SLIT3: variants seen among roughly 807,000 people sequenced by gnomAD.
SLIT3 encodes slit guidance ligand 3.
In SLIT3, 68 loss-of-function variants were observed where a neutral mutation model predicts 184.0. That is an observed-to-expected ratio of 0.37 (90% CI 0.30 to 0.45). The LOEUF (loss-of-function observed/expected upper bound fraction) is 0.45. Ranked by LOEUF, SLIT3 falls within the 20% of genes least tolerant of loss-of-function variation. SLIT3 has a pLI of 1.00. For synonymous variants in SLIT3, 831 were observed against 828.6 expected (o/e 1.00, Z -0.05); for missense variants, 1,707 against 2,026.0 (o/e 0.84, Z 3.02).
chr5:168,789,481 T>G, intron 11 of SLIT3, 79 bp downstream of exon 11: 23 of 1,101,156 alleles, frequency 2.1e-5, no homozygotes, highest in Non-Finnish European at 3.1e-5. Flanking sequence ...AAACACCTCC[T>G]GAGAAATATG....
intron 1 of SLIT3, among the ~76,000 whole-genome samples, chr5:169,295,244 T>A (rs1489437522): frequency 6.6e-6 from 1 of 152,266 alleles, no homozygotes; most frequent in Non-Finnish European, 1.5e-5. Flanking sequence ...GACCAGAATG[T>A]CATTTTAGGT....
rs779938729 is a variant in SLIT3 at position 168,806,586 on chromosome 5, G to A, written c.795C>T (p.Ala265=). The change falls in exon 9 of 36, where the codon GCC becomes GCT. Residue 265 remains alanine (A), a splice_region_variant and synonymous_variant. Transcript: ENST00000519560. ...TGCAGGATGGGGGCTCCGAGTGGGGGGCTGTGGAGCCAAGACACAACGGTC... is the reference window on the plus strand; with the variant it reads ...TGCAGGATGGGGGCTCCGAGTGGGGAGCTGTGGAGCCAAGACACAACGGTC... The part of the protein sequence containing the change: ...DVQKKEYVCP[A]PHSEPPSCNA... 1 of 1,614,140 alleles carries A rather than the reference G, an allele frequency of 6.2e-7. No individual in the cohort carries two copies. The highest frequency in any genetic ancestry group is 1.1e-5 in the South Asian group (1 of 91,070).
chr5:168,889,153 A>T (rs1174184033), intron 4 of SLIT3, among the ~76,000 whole-genome samples: 2 of 152,186 alleles, frequency 1.3e-5, no homozygotes, highest in Non-Finnish European at 2.9e-5. Context: ...ATGCAGGAAA[A>T]ATTATCCCCT....
At chr5:169,184,245 T>C (rs891244828) in intron 4 of SLIT3, among the ~76,000 whole-genome samples, 1 of 152,246 alleles carries the variant, frequency 6.6e-6, no homozygotes, top group Non-Finnish European at 1.5e-5. Context: ...AATTTATGAT[T>C]GTTATCCCTC....
At chr5:168,858,730 G>A (rs1758994821) in intron 5 of SLIT3, among the ~76,000 whole-genome samples, 1 of 152,204 alleles carries the variant, frequency 6.6e-6, no homozygotes, top group South Asian at 2.1e-4. Flanking sequence ...CCCTCATTCT[G>A]TTCTTTTCTT....
At chr5:169,041,918 G>T (rs1212803505) in intron 4 of SLIT3, among the ~76,000 whole-genome samples, 1 of 152,182 alleles carries the variant, frequency 6.6e-6, no homozygotes. Flanking sequence ...AGGGTGCCAA[G>T]ATCCCTTCCT....
At chr5:169,170,663 A>G (rs1048169702) in intron 4 of SLIT3, among the ~76,000 whole-genome samples, 1 of 152,166 alleles carries the variant, frequency 6.6e-6, no homozygotes, top group African/African-American at 2.4e-5. Flanking sequence ...AGAGCGCCCA[A>G]TTTGGGGACA....
chr5:169,068,946 T>C (rs1758449102), intron 4 of SLIT3, among the ~76,000 whole-genome samples: 1 of 152,230 alleles, frequency 6.6e-6, no homozygotes, highest in African/African-American at 2.4e-5. Flanking sequence ...ATATATTTAT[T>C]GGGTGTTTCT....
chr5:168,791,000 C>T (rs1209384527), intron 10 of SLIT3: 1 of 152,232 alleles, frequency 6.6e-6, no homozygotes, highest in Non-Finnish European at 1.5e-5. Flanking sequence ...GCGAAATCAC[C>T]TCCGACAAAT....
intron 4 of SLIT3, among the ~76,000 whole-genome samples, chr5:168,944,456 T>C (rs1017997295): frequency 2.0e-5 from 3 of 152,196 alleles, no homozygotes; most frequent in Non-Finnish European, 4.4e-5. Flanking sequence ...ATTAACCCAG[T>C]TGAGAAAATG....
At position 168,900,170 on chromosome 5, in the gene SLIT3, A is replaced by G. The variant is rs543903754; in HGVS notation, c.414-16834T>C. Among the ~76,000 whole-genome samples the G allele has an allele frequency of 2.1e-3, 327 of 152,358 alleles. 3 individuals are homozygous for G. Among genetic ancestry groups the G allele is most frequent in the African/African-American group, 7.5e-3 (313 of 41,586 alleles). The stretch of plus-strand genomic sequence containing the variant: ...GGCAAGGATGCAGAGGTAAGGGAGC[A>G]CTTATACGTGGTTGGTGGGAATGTA... On this transcript the variant is annotated intron_variant, in intron 4 of 35. Coordinates refer to ENST00000519560, the MANE Select transcript of SLIT3 (RefSeq NM_003062.4).
chr5:169,092,830 C>T (rs946482888), intron 4 of SLIT3, among the ~76,000 whole-genome samples: 3 of 152,108 alleles, frequency 2.0e-5, no homozygotes, highest in East Asian at 1.9e-4. Flanking sequence ...TTCAGATCTC[C>T]GGCAATTCTG....
intron 4 of SLIT3, among the ~76,000 whole-genome samples, chr5:169,112,190 G>C (rs1309811915): frequency 6.6e-6 from 1 of 152,206 alleles, no homozygotes. Flanking sequence ...AGGCACCGGG[G>C]CTATGCACAG....
At chr5:168,844,522 GAC>G in intron 6 of SLIT3, 60 bp downstream of exon 6, 28 of 1,455,470 alleles carry the variant, frequency 1.9e-5, no homozygotes, top group Non-Finnish European at 2.2e-5. Context: ...TCCCCACACA[GAC>G]ACACACACAT....
In SLIT3 at chr5:168,731,565, T is replaced by C. The variant is rs190209773; in HGVS notation, c.2271-7081A>G. 7.2e-5 allele frequency among the ~76,000 whole-genome samples: 11 copies of C among 152,092 alleles called. No homozygotes were observed. The East Asian group carries it at 2.1e-3, about 29-fold the overall frequency. ...ACATAAAAATTCTCAAAAAAAATAC[T>C]AGCAAATTGAATCCAAGAGCACATC... On this transcript the variant is annotated intron_variant, in intron 20 of 35. Transcript: ENST00000519560.
chr5:169,165,143 G>A (rs1762595483), intron 4 of SLIT3, among the ~76,000 whole-genome samples: 1 of 152,252 alleles, frequency 6.6e-6, no homozygotes, highest in Non-Finnish European at 1.5e-5. Context: ...AGGGGAGGGG[G>A]TAACTAAAGG....
intron 4 of SLIT3, among the ~76,000 whole-genome samples, chr5:169,112,475 T>A (rs569019628): frequency 2.4e-4 from 36 of 152,206 alleles, no homozygotes; most frequent in Non-Finnish European, 5.1e-4. Flanking sequence ...AACATTTTAG[T>A]TTCTCCTTCT....
In SLIT3 at chr5:168,712,316, C is replaced by T. The variant is rs73802369; in HGVS notation, c.2522G>A (p.Gly841Asp). ...AAGAGATGTGAGGTCGTTGAAGGAG[C>T]CTTCAGGAACGCTGGAAATGTCATT... ...HGNDISSVPE[G>D]SFNDLTSLSH... The change falls in exon 24 of 36, where the codon GGC becomes GAC. Residue 841 changes from glycine (G) to aspartate (D), a missense_variant. This residue lies in a region of SLIT3 where 1,307 missense variants were observed against 1,511.6 expected (regional missense o/e 0.86). Transcript: ENST00000519560. 5.5e-5 allele frequency: 89 copies of T among 1,614,036 alleles called. No homozygotes were observed. Among genetic ancestry groups the T allele is most frequent in the Non-Finnish European group, 7.3e-5 (86 of 1,180,008 alleles).
intron 3 of SLIT3, among the ~76,000 whole-genome samples, chr5:169,226,468 G>A (rs1353641525): frequency 1.3e-5 from 2 of 152,164 alleles, no homozygotes; most frequent in African/African-American, 4.8e-5. Context: ...AGGGGCCTGA[G>A]CTTTGGTCCC....
Sources: allele counts gnomAD v4.1 joint callset (sites outside exome capture counted in the v4.1 genomes callset), GRCh38; gene constraint gnomAD v4.1.1; regional missense constraint gnomAD v4.1.1; transcripts MANE v1.5; gene names NCBI Gene and HGNC (gene_info 2026-07-23, HGNC 2026-07-21).